Variants in RSRC1 observed in about 807,000 individuals in gnomAD.
The protein encoded by RSRC1 is serine/Arginine-related protein 53.
In RSRC1, 39 loss-of-function variants were observed where a neutral mutation model predicts 49.1. That is an observed-to-expected ratio of 0.79 (90% confidence interval 0.61 to 1.04). The LOEUF is 1.04. Among genes scored for constraint, RSRC1 ranks in the 50% least tolerant of loss-of-function variants. The pLI is 0.00. For missense variants in RSRC1, 388 were observed against 402.4 expected (o/e 0.96, Z 0.31); for synonymous variants, 143 against 130.8 (o/e 1.09, Z -0.63).
chr3:158,196,778 G>T (rs1011169697), intron 3 of RSRC1, among the ~76,000 whole-genome samples: 1 of 152,116 alleles, frequency 6.6e-6, no homozygotes, highest in Non-Finnish European at 1.5e-5. Flanking sequence ...TTTGTCATTG[G>T]TTCTGTTAAT....
chr3:158,438,804 C>G (rs1435939783), intron 6 of RSRC1, among the ~76,000 whole-genome samples: 2 of 152,078 alleles, frequency 1.3e-5, no homozygotes, highest in Non-Finnish European at 2.9e-5. Context: ...GCAACAAAAG[C>G]CAGAATTGAC....
chr3:158,523,291 C>T (rs768638267), intron 7 of RSRC1, among the ~76,000 whole-genome samples: 8 of 151,972 alleles, frequency 5.3e-5, no homozygotes, highest in Non-Finnish European at 1.2e-4. Context: ...AGAGTTTCTA[C>T]TCAGAATCAG....
chr3:158,322,319 A>G (rs1431354646), intron 5 of RSRC1, among the ~76,000 whole-genome samples: 1 of 151,064 alleles, frequency 6.6e-6, no homozygotes, highest in Non-Finnish European at 1.5e-5. Context: ...CTGATCTTGA[A>G]CTCCTGGCCT....
chr3:158,242,991 C>T (rs143750051), intron 4 of RSRC1, among the ~76,000 whole-genome samples: 2 of 152,176 alleles, frequency 1.3e-5, no homozygotes, highest in East Asian at 1.9e-4. Context: ...TTCTCCCATT[C>T]TGTAGGTTGT....
intron 4 of RSRC1, among the ~76,000 whole-genome samples, chr3:158,242,121 A>G (rs746410635): frequency 2.4e-5 from 3 of 122,970 alleles, no homozygotes; most frequent in African/African-American, 3.1e-5. Context: ...TGCCATGGTG[A>G]TTAGCTGCAC....
chr3:158,512,398 C>G (rs1366717550), intron 7 of RSRC1, among the ~76,000 whole-genome samples: 1 of 147,630 alleles, frequency 6.8e-6, no homozygotes, highest in Non-Finnish European at 1.5e-5. Flanking sequence ...TTGTTTTTCT[C>G]AGGTTTGTCA....
At chr3:158,384,949 G>T (rs538088191) in intron 6 of RSRC1, among the ~76,000 whole-genome samples, 8 of 152,096 alleles carry the variant, frequency 5.3e-5, no homozygotes, top group Admixed American at 3.9e-4. Flanking sequence ...ATGGCAGCTG[G>T]ATCAGTCAGC....
At chr3:158,184,342 T>A (rs572027073) in intron 3 of RSRC1, among the ~76,000 whole-genome samples, 13 of 151,816 alleles carry the variant, frequency 8.6e-5, no homozygotes, top group Non-Finnish European at 1.8e-4. Flanking sequence ...TCAAGAAATA[T>A]ACTAACATAT....
chr3:158,125,680 G>A (rs1371499003), intron 3 of RSRC1, among the ~76,000 whole-genome samples: 1 of 152,178 alleles, frequency 6.6e-6, no homozygotes. Context: ...CACTTGAGAA[G>A]AATGCATATT....
intron 6 of RSRC1, among the ~76,000 whole-genome samples, chr3:158,431,052 C>T (rs1257180918): frequency 1.3e-5 from 2 of 151,914 alleles, no homozygotes; most frequent in African/African-American, 4.8e-5. Context: ...TTTTGTCCAA[C>T]TAAGTATTTT....
intron 7 of RSRC1, among the ~76,000 whole-genome samples, chr3:158,483,551 G>A (rs144992480): frequency 6.6e-6 from 1 of 152,054 alleles, no homozygotes; most frequent in South Asian, 2.1e-4. Context: ...ATGTGTGACA[G>A]TCTGAGATTT....
intron 3 of RSRC1, among the ~76,000 whole-genome samples, chr3:158,130,265 C>T (rs1715927188): frequency 6.6e-6 from 1 of 152,190 alleles, no homozygotes; most frequent in African/African-American, 2.4e-5. Context: ...CCACCAGACC[C>T]ATCTTCAGAT....
At position 158,122,152 on chromosome 3, in the gene RSRC1, A is replaced by G. The variant is rs1396405813; in HGVS notation, c.48A>G (p.Arg16=). 3.2e-6 allele frequency: 5 copies of G among 1,570,614 alleles called. No homozygotes were observed. The highest frequency in any genetic ancestry group is 1.7e-4 in the Middle Eastern group (1 of 5,914). Reference sequence around the variant, plus strand: ...CTGAAGAAGAAAGCAGAAGCAAGAGAAAAAAGAAACACCGTAGACGGTCCT... The same window carrying G: ...CTGAAGAAGAAAGCAGAAGCAAGAGGAAAAAGAAACACCGTAGACGGTCCT... ...SDTEEESRSK[R]KKKHRRRSSS... The change falls in exon 2 of 10, where the codon AGA becomes AGG. Residue 16 remains arginine, a synonymous_variant. Transcript: ENST00000611884.
intron 7 of RSRC1, among the ~76,000 whole-genome samples, chr3:158,511,468 T>C (rs1405363342): frequency 5.9e-5 from 9 of 152,122 alleles, no homozygotes; most frequent in South Asian, 4.2e-4. Flanking sequence ...TTTTTTATGG[T>C]TGCATAGTAT....
At chr3:158,431,852 A>G (rs1394766647) in intron 6 of RSRC1, among the ~76,000 whole-genome samples, 2 of 151,978 alleles carry the variant, frequency 1.3e-5, no homozygotes, top group African/African-American at 2.4e-5. Flanking sequence ...AATATATCTT[A>G]GATGACCAAA....
At chr3:158,248,688 C>T (rs967639425) in intron 4 of RSRC1, among the ~76,000 whole-genome samples, 4 of 151,818 alleles carry the variant, frequency 2.6e-5, no homozygotes, top group Non-Finnish European at 4.4e-5. Context: ...ACCTCCGCCT[C>T]CTGGGTTCAA....
At chr3:158,341,346 G>A (rs114160259) in intron 5 of RSRC1, among the ~76,000 whole-genome samples, 2,913 of 152,164 alleles carry the variant, frequency 0.019, 74 homozygotes, top group African/African-American at 0.067. Flanking sequence ...CGTGGGCCAG[G>A]TCCAGGTCCC....
chr3:158,387,237 C>A lies in RSRC1; in HGVS notation c.583+32329C>A, dbSNP rs371817627. Among the ~76,000 whole-genome samples, 7 of 152,088 alleles carry A rather than the reference C, an allele frequency of 4.6e-5. No homozygotes were observed. The East Asian group carries it at 9.6e-4, about 21-fold the overall frequency. ...CAGGCAATTAAGAGCCATTCAGTCA[C>A]GTTTAATTATAAAACCTTCTGGTCA... On this transcript the variant is annotated intron_variant, in intron 6 of 9. Coordinates refer to ENST00000611884, the MANE Select transcript of RSRC1 (RefSeq NM_001271838.2).
chr3:158,334,631 A>T (rs1249879466), intron 5 of RSRC1, among the ~76,000 whole-genome samples: 1 of 144,086 alleles, frequency 6.9e-6, no homozygotes, highest in Non-Finnish European at 1.5e-5. Context: ...TAGGCACATG[A>T]CACCACACCC....
Sources: allele counts gnomAD v4.1 joint callset (sites outside exome capture counted in the v4.1 genomes callset), GRCh38; gene constraint gnomAD v4.1.1; transcripts MANE v1.5; gene names NCBI Gene and HGNC (gene_info 2026-07-23, HGNC 2026-07-21).